Variants in PBX3 observed in about 807,000 individuals in gnomAD.
PBX3 encodes the protein pre-B-cell leukemia transcription factor 3.
Under a neutral mutation model 48.5 loss-of-function variants are expected in PBX3, and 14 were observed. The ratio of observed to expected loss-of-function variants is 0.29; its 90% CI spans 0.19 to 0.45. The LOEUF is 0.45. Among genes scored for constraint, PBX3 ranks in the 20% least tolerant of loss-of-function variants. PBX3 has a pLI of 1.00. For synonymous variants in PBX3, 210 were observed against 200.3 expected (o/e 1.05, Z -0.41); for missense variants, 386 against 546.7 (o/e 0.71, Z 2.93).
intron 5 of PBX3, among the ~76,000 whole-genome samples, chr9:125,943,184 C>T (rs968695284): frequency 5.9e-5 from 9 of 151,382 alleles, no homozygotes; most frequent in East Asian, 1.9e-4. Context: ...TGGGCAACCT[C>T]GTCTCTACTA....
intron 2 of PBX3, among the ~76,000 whole-genome samples, chr9:125,911,063 A>G (rs1841192786): frequency 6.6e-6 from 1 of 151,840 alleles, no homozygotes. Context: ...TACCCTCCCA[A>G]CCCCAAATAC....
intron 2 of PBX3, among the ~76,000 whole-genome samples, chr9:125,852,094 C>G (rs1839600030): frequency 6.6e-6 from 1 of 152,102 alleles, no homozygotes; most frequent in Non-Finnish European, 1.5e-5. Context: ...GGCAGATTTT[C>G]TGCAAGTGGA....
intron 2 of PBX3, among the ~76,000 whole-genome samples, chr9:125,836,209 G>C (rs1216346050): frequency 6.6e-6 from 1 of 152,182 alleles, no homozygotes; most frequent in Non-Finnish European, 1.5e-5. Flanking sequence ...ACTTTGGGAG[G>C]CCGAGGCAGG....
chr9:125,833,264 T>C (rs138405581), intron 2 of PBX3, among the ~76,000 whole-genome samples: 13 of 152,244 alleles, frequency 8.5e-5, no homozygotes, highest in Non-Finnish European at 1.6e-4. Flanking sequence ...GAGAGGTAGA[T>C]TGCCTCAGCT....
At chr9:125,873,387 C>G (rs772196980) in intron 2 of PBX3, among the ~76,000 whole-genome samples, 3 of 151,998 alleles carry the variant, frequency 2.0e-5, no homozygotes, top group Non-Finnish European at 4.4e-5. Context: ...TCACCAGCAA[C>G]TATAGAATAT....
At chr9:125,835,518 A>G (rs544216034) in intron 2 of PBX3, among the ~76,000 whole-genome samples, 29 of 152,300 alleles carry the variant, frequency 1.9e-4, no homozygotes, top group Non-Finnish European at 7.4e-5. Context: ...ACAACTCTAT[A>G]GCAGAAAAAA....
intron 2 of PBX3, among the ~76,000 whole-genome samples, chr9:125,755,511 T>G (rs956088047): frequency 6.6e-6 from 1 of 152,070 alleles, no homozygotes; most frequent in African/African-American, 2.4e-5. Context: ...TTAACTGCTA[T>G]TGTGAGCCTG....
intron 2 of PBX3, among the ~76,000 whole-genome samples, chr9:125,829,451 A>C (rs1054438580): frequency 2.0e-5 from 3 of 152,190 alleles, no homozygotes; most frequent in Admixed American, 2.0e-4. Flanking sequence ...ATTTATGATG[A>C]TATTCTTAAG....
chr9:125,914,088 C>T (rs966283359), intron 2 of PBX3, among the ~76,000 whole-genome samples: 1 of 152,272 alleles, frequency 6.6e-6, no homozygotes, highest in Middle Eastern at 3.4e-3. Flanking sequence ...CATGGCAGTT[C>T]TAGAACAATA....
intron 5 of PBX3, among the ~76,000 whole-genome samples, chr9:125,943,249 G>T (rs1841995752): frequency 6.6e-6 from 1 of 151,386 alleles, no homozygotes; most frequent in African/African-American, 2.4e-5. Flanking sequence ...CCAGCTACTC[G>T]GGAGGCTGAG....
At chr9:125,799,152 G>T (rs1286078302) in intron 2 of PBX3, among the ~76,000 whole-genome samples, 2 of 151,826 alleles carry the variant, frequency 1.3e-5, no homozygotes, top group African/African-American at 4.8e-5. Context: ...TTATTTTTTT[G>T]TTCTTTTCAC....
intron 2 of PBX3, among the ~76,000 whole-genome samples, chr9:125,900,721 T>C (rs1840925618): frequency 6.6e-6 from 1 of 151,700 alleles, no homozygotes; most frequent in Non-Finnish European, 1.5e-5. Context: ...TAATACTAAT[T>C]CCCCAAATAT....
Position 125,776,732 on chromosome 9 carries a change from C to T in PBX3, c.274+28109C>T, listed in dbSNP as rs552884477. 8.6e-5 allele frequency among the ~76,000 whole-genome samples: 13 copies of T among 151,516 alleles called. No individual in the cohort carries two copies. The South Asian group carries it at 1.0e-3, about 12-fold the overall frequency. On this transcript the variant is annotated intron_variant, in intron 2 of 8. Coordinates refer to ENST00000373489, the MANE Select transcript of PBX3 (RefSeq NM_006195.6). ...ATTTTTTTTGTATTTTTTGTAGAGACGGGGTTTTGCCATGTTCCCCAGGCT... is the reference window on the plus strand; with the variant it reads ...ATTTTTTTTGTATTTTTTGTAGAGATGGGGTTTTGCCATGTTCCCCAGGCT...
intron 2 of PBX3, among the ~76,000 whole-genome samples, chr9:125,869,203 A>C (rs1840058540): frequency 6.6e-6 from 1 of 152,210 alleles, no homozygotes; most frequent in Non-Finnish European, 1.5e-5. Flanking sequence ...ATTAGCGGAC[A>C]ATGGATATGA....
chr9:125,814,334 G>T (rs1378188307), intron 2 of PBX3, among the ~76,000 whole-genome samples: 1 of 151,564 alleles, frequency 6.6e-6, no homozygotes, highest in African/African-American at 2.4e-5. Context: ...TAACTTGTTT[G>T]TTCCATCTCT....
chr9:125,880,349 A>G (rs1840354237), intron 2 of PBX3, among the ~76,000 whole-genome samples: 1 of 152,314 alleles, frequency 6.6e-6, no homozygotes. Context: ...AACCGTCATT[A>G]TTATTAACTA....
intron 2 of PBX3, among the ~76,000 whole-genome samples, chr9:125,819,952 G>A (rs10819077): frequency 0.02 from 3,032 of 151,996 alleles, 167 homozygotes; most frequent in East Asian, 0.17. Context: ...CATTCTTGGA[G>A]GATTAATATG....
intron 2 of PBX3, among the ~76,000 whole-genome samples, chr9:125,869,849 C>G (rs756748971): frequency 2.0e-5 from 3 of 152,006 alleles, no homozygotes; most frequent in Non-Finnish European, 4.4e-5. Context: ...TGAGTATTGA[C>G]CATGTAAAAA....
chr9:125,747,775 A>C, intron 1 of PBX3, 122 bp downstream of exon 1: 1 of 694,386 alleles, frequency 1.4e-6, no homozygotes, highest in East Asian at 3.6e-5. Context: ...CTTTCTCCGA[A>C]AGCCGGCCGC....
Sources: allele counts gnomAD v4.1 joint callset (sites outside exome capture counted in the v4.1 genomes callset), GRCh38; gene constraint gnomAD v4.1.1; transcripts MANE v1.5; gene names NCBI Gene and HGNC (gene_info 2026-07-23, HGNC 2026-07-21).